Variants in PLPPR1 observed in about 807,000 individuals in gnomAD.
The protein encoded by PLPPR1 is phospholipid phosphatase related 1, also known as phospholipid phosphatase-related protein type 1.
In PLPPR1, 10 loss-of-function variants were observed where a neutral mutation model predicts 33.1. The observed-to-expected ratio is 0.30, with a 90% CI of 0.19 to 0.51. The LOEUF is 0.51. Among genes scored for constraint, PLPPR1 ranks in the 20% least tolerant of loss-of-function variants. The pLI, the probability that PLPPR1 is intolerant of heterozygous loss-of-function variation, is 0.97. For missense variants in PLPPR1, 304 were observed against 408.1 expected (o/e 0.74, Z 2.20); for synonymous variants, 151 against 151.0 (o/e 1.00, Z 0.00).
At chr9:101,185,069 CAAGT>C (rs2118716159) in intron 1 of PLPPR1, 1 of 154,110 alleles carries the variant, frequency 6.5e-6, no homozygotes, top group African/African-American at 2.4e-5. Context: ...GGATTAGGAA[CAAGT>C]AAGAGAGATC....
intron 2 of PLPPR1, among the ~76,000 whole-genome samples, chr9:101,260,855 A>ATTCTTATATTGATT (rs1827885671): frequency 6.6e-6 from 1 of 152,196 alleles, no homozygotes; most frequent in Non-Finnish European, 1.5e-5. Flanking sequence ...GGTGGGTACC[A>ATTCTTATATTGATT]CCATTTATAG....
intron 1 of PLPPR1, among the ~76,000 whole-genome samples, chr9:101,048,005 C>T (rs1223785708): frequency 5.9e-5 from 9 of 152,186 alleles, no homozygotes; most frequent in South Asian, 4.2e-4. Context: ...TGTGCCATAC[C>T]GGTAGGTGGA....
Position 101,324,139 on chromosome 9 carries a change from C to G in PLPPR1, c.*82C>G, listed in dbSNP as rs1564040188. The G allele has an allele frequency of 8.6e-7, 1 of 1,165,276 alleles. No individual in the cohort carries two copies. Among genetic ancestry groups the G allele is most frequent in the Non-Finnish European group, 1.3e-6 (1 of 787,930 alleles). 72.2% of individuals were successfully genotyped at this position (1,165,276 alleles called of 1,614,324 possible). A position where few individuals can be genotyped will look rare whatever the true frequency, so the allele number is the denominator to read the frequency against. The stretch of plus-strand genomic sequence containing the variant: ...AAACACACAGTTGCTCAATGTCAAA[C>G]TGTGATGACAAATATTACGTTTATC... On this transcript the variant is annotated 3_prime_UTR_variant, in exon 8 of 8. Coordinates refer to ENST00000374874, the MANE Select transcript of PLPPR1 (RefSeq NM_207299.2).
chr9:101,174,419 A>G (rs1303466021), intron 1 of PLPPR1, among the ~76,000 whole-genome samples: 1 of 152,190 alleles, frequency 6.6e-6, no homozygotes, highest in East Asian at 1.9e-4. Context: ...GGCTATTACA[A>G]ATGACCATGG....
intron 1 of PLPPR1, among the ~76,000 whole-genome samples, chr9:101,180,096 A>ATT (rs1238988145): frequency 3.2e-4 from 5 of 15,696 alleles, no homozygotes; most frequent in Non-Finnish European, 5.3e-4. Flanking sequence ...ACTCTCCTTT[A>ATT]TATATATATA....
At chr9:101,160,938 C>T (rs1831764591) in intron 1 of PLPPR1, among the ~76,000 whole-genome samples, 1 of 152,130 alleles carries the variant, frequency 6.6e-6, no homozygotes, top group South Asian at 2.1e-4. Context: ...AAACATTATA[C>T]CCCTTCAGCT....
chr9:101,153,360 C>T (rs1350149189), intron 1 of PLPPR1, among the ~76,000 whole-genome samples: 1 of 152,144 alleles, frequency 6.6e-6, no homozygotes, highest in Non-Finnish European at 1.5e-5. Flanking sequence ...TTGACTTCCT[C>T]TTTTCCTAAT....
At chr9:101,287,857 G>A (rs1227983698) in intron 4 of PLPPR1, among the ~76,000 whole-genome samples, 1 of 152,072 alleles carries the variant, frequency 6.6e-6, no homozygotes, top group Non-Finnish European at 1.5e-5. Flanking sequence ...ACAGGAAATG[G>A]GGTAAAGTAA....
chr9:101,314,874 T>C (rs1483567763), intron 6 of PLPPR1, among the ~76,000 whole-genome samples: 1 of 152,160 alleles, frequency 6.6e-6, no homozygotes, highest in Non-Finnish European at 1.5e-5. Context: ...AAAATGCAAA[T>C]ACTCTGGATG....
At chr9:101,251,802 T>C (rs781616243) in intron 2 of PLPPR1, among the ~76,000 whole-genome samples, 1 of 152,098 alleles carries the variant, frequency 6.6e-6, no homozygotes, top group Non-Finnish European at 1.5e-5. Context: ...TGTACTGATA[T>C]AGAAGGATGG....
In PLPPR1 at chr9:101,211,803, A is replaced by G. The variant is rs146974379; in HGVS notation, c.63+26246A>G. On this transcript the variant is annotated intron_variant, in intron 2 of 7. Coordinates refer to ENST00000374874, the MANE Select transcript of PLPPR1 (RefSeq NM_207299.2). Reference sequence around the variant, plus strand: ...ATGGATCTTTCATTTATAAATGATAATAGCTAACAGCTAATACTATATATC... The same window carrying G: ...ATGGATCTTTCATTTATAAATGATAGTAGCTAACAGCTAATACTATATATC... 2.2e-4 allele frequency among the ~76,000 whole-genome samples: 34 copies of G among 152,346 alleles called. 1 individual carries two copies. The highest frequency in any genetic ancestry group is 7.7e-4 in the African/African-American group (32 of 41,582).
rs538804031 is a variant in PLPPR1 at position 101,054,866 on chromosome 9, G to A, written c.-46+25764G>A. 9.2e-5 allele frequency among the ~76,000 whole-genome samples: 14 copies of A among 152,330 alleles called. No homozygotes were observed. The East Asian group carries it at 2.5e-3, about 27-fold the overall frequency. On this transcript the variant is annotated intron_variant, in intron 1 of 7. Coordinates refer to ENST00000374874, the MANE Select transcript of PLPPR1 (RefSeq NM_207299.2). ...AATGGGAATTGAGGAAGGCCATTAG[G>A]AGCTGAAGCAGCAGGAATCAGATAC...
intron 7 of PLPPR1, among the ~76,000 whole-genome samples, chr9:101,319,690 A>G (rs1446063455): frequency 6.6e-6 from 1 of 152,236 alleles, no homozygotes; most frequent in African/African-American, 2.4e-5. Context: ...CTAAATAGCG[A>G]TACCCTGTAA....
chr9:101,169,035 A>G (rs938722822), intron 1 of PLPPR1, among the ~76,000 whole-genome samples: 3 of 152,200 alleles, frequency 2.0e-5, no homozygotes, highest in African/African-American at 7.2e-5. Flanking sequence ...AAGAGAATAC[A>G]AATACGTAAG....
chr9:101,303,845 A>C (rs899586655), intron 4 of PLPPR1, among the ~76,000 whole-genome samples: 9 of 152,210 alleles, frequency 5.9e-5, no homozygotes, highest in African/African-American at 2.2e-4. Context: ...CCACGTGTTA[A>C]TACTGAAACT....
intron 4 of PLPPR1, among the ~76,000 whole-genome samples, chr9:101,298,046 A>G (rs1828681391): frequency 6.6e-6 from 1 of 152,226 alleles, no homozygotes; most frequent in Non-Finnish European, 1.5e-5. Flanking sequence ...AAAGTAATGA[A>G]TAGACAGCAT....
At chr9:101,180,587 A>G (rs996991524) in intron 1 of PLPPR1, among the ~76,000 whole-genome samples, 6 of 151,840 alleles carry the variant, frequency 4.0e-5, no homozygotes, top group Non-Finnish European at 7.4e-5. Flanking sequence ...AAGCCCATAT[A>G]TTTGTGGTCA....
At chr9:101,175,814 C>T (rs1290842285) in intron 1 of PLPPR1, among the ~76,000 whole-genome samples, 22 of 152,046 alleles carry the variant, frequency 1.4e-4, no homozygotes, top group Non-Finnish European at 3.2e-4. Flanking sequence ...ATATGTGGTA[C>T]TTCTTCAAAA....
At chr9:101,043,279 A>G (rs180736124) in intron 1 of PLPPR1, among the ~76,000 whole-genome samples, 188 of 151,154 alleles carry the variant, frequency 1.2e-3, no homozygotes, top group African/African-American at 4.1e-3. Flanking sequence ...TCATATATAT[A>G]TGTGTGTGTG....
Sources: allele counts gnomAD v4.1 joint callset (sites outside exome capture counted in the v4.1 genomes callset), GRCh38; gene constraint gnomAD v4.1.1; transcripts MANE v1.5; gene names NCBI Gene and HGNC (gene_info 2026-07-23, HGNC 2026-07-21).